Variants in OXR1 observed in about 807,000 individuals in gnomAD.
OXR1 encodes the protein oxidation resistance 1.
Under a neutral mutation model 104.6 loss-of-function variants are expected in OXR1, and 41 were observed. The ratio of observed to expected loss-of-function variants is 0.39; its 90% CI spans 0.31 to 0.51. OXR1 has a LOEUF of 0.51. Ranked by LOEUF, OXR1 falls within the 20% of genes least tolerant of loss-of-function variation. The probability of loss-of-function intolerance (pLI) is 0.77; values close to 1 mark genes in which losing one functional copy is unlikely to be tolerated. For synonymous variants in OXR1, 348 were observed against 348.4 expected, an observed-to-expected ratio of 1.00 and a Z score of 0.01; for missense variants, 955 against 1,031.9, an observed-to-expected ratio of 0.93 and a Z score of 1.02.
intron 2 of OXR1, among the ~76,000 whole-genome samples, chr8:106,361,877 G>A (rs1266936044): frequency 6.6e-6 from 1 of 152,188 alleles, no homozygotes; most frequent in African/African-American, 2.4e-5. Context: ...TGTATGCCAT[G>A]CTTGATTTAG....
chr8:106,558,866 G>T (rs1376872059), intron 3 of OXR1, among the ~76,000 whole-genome samples: 3 of 151,974 alleles, frequency 2.0e-5, no homozygotes, highest in Non-Finnish European at 4.4e-5. Flanking sequence ...TACCCTAAAT[G>T]CCAATAAACC....
chr8:106,506,582 G>A (rs190646158), intron 2 of OXR1, among the ~76,000 whole-genome samples: 7 of 152,214 alleles, frequency 4.6e-5, no homozygotes, highest in Admixed American at 4.6e-4. Flanking sequence ...CAGCCCTCCA[G>A]CCTGGGTGAC....
intron 3 of OXR1, among the ~76,000 whole-genome samples, chr8:106,566,112 A>T (rs1181901034): frequency 2.0e-5 from 3 of 152,220 alleles, no homozygotes; most frequent in African/African-American, 7.2e-5. Flanking sequence ...ACAAAAGCCA[A>T]AACTGACAAA....
intron 3 of OXR1, among the ~76,000 whole-genome samples, chr8:106,678,068 A>C (rs946228101): frequency 6.6e-6 from 1 of 152,142 alleles, no homozygotes. Flanking sequence ...TGAAGGAGAC[A>C]TAAAGATGCT....
At chr8:106,608,891 T>C (rs1249865287) in intron 3 of OXR1, among the ~76,000 whole-genome samples, 1 of 152,204 alleles carries the variant, frequency 6.6e-6, no homozygotes, top group Admixed American at 6.5e-5. Context: ...AGTGACAACA[T>C]TGTGAATTTA....
At chr8:106,651,930 C>A (rs1824609741) in intron 3 of OXR1, among the ~76,000 whole-genome samples, 1 of 152,024 alleles carries the variant, frequency 6.6e-6, no homozygotes, top group Non-Finnish European at 1.5e-5. Flanking sequence ...TCTTTAACTT[C>A]TTTCAATTAT....
At chr8:106,557,546 TCTA>T (rs149595467) in intron 3 of OXR1, among the ~76,000 whole-genome samples, 54,561 of 151,694 alleles carry the variant, frequency 0.36, 10,886 homozygotes, top group South Asian at 0.45. Flanking sequence ...TTTTTAGAAT[TCTA>T]CTTTTTTTTT....
chr8:106,697,480 A>T, intron 7 of OXR1: 1 of 1,603,650 alleles, frequency 6.2e-7, no homozygotes. Context: ...GATGCCCCCC[A>T]TCTGTAGCCC....
chr8:106,706,450 A>T lies in OXR1; in HGVS notation c.929A>T (p.Glu310Val), dbSNP rs770326189. The change falls in exon 9 of 17, where the codon GAA becomes GTA. Residue 310 changes from glutamate (E) to valine (V), a missense_variant. Glu to Val is a moderately radical substitution (Grantham distance 121). This residue lies in a region of OXR1 where 849 missense variants were observed against 852.9 expected (regional missense o/e 1.00). Coordinates refer to ENST00000517566, the MANE Select transcript of OXR1 (RefSeq NM_001198533.2). ...SKKMTGSNTE[E>V]IDSRIRDAGN... ...AAAATGACAGGAAGTAACACTGAGG[A>T]AATAGACTCAAGAATCCGAGATGCA... 4 of 1,598,586 alleles carry T rather than the reference A, an allele frequency of 2.5e-6. No individual in the cohort carries two copies. Among genetic ancestry groups the T allele is most frequent in the Middle Eastern group, 1.7e-4 (1 of 6,012 alleles).
intron 9 of OXR1, 53 bp downstream of exon 9, chr8:106,707,198 G>T (rs759021943): frequency 1.8e-5 from 28 of 1,545,020 alleles, no homozygotes; most frequent in Non-Finnish European, 2.4e-5. Context: ...TGGTGTCTCC[G>T]TCTTTCCTCA....
intron 2 of OXR1, among the ~76,000 whole-genome samples, chr8:106,373,893 A>T (rs1816806395): frequency 6.6e-6 from 1 of 152,182 alleles, no homozygotes. Flanking sequence ...CCCAGCCCTG[A>T]TGTCTTTTTT....
At chr8:106,484,613 C>T (rs1822336534) in intron 2 of OXR1, among the ~76,000 whole-genome samples, 1 of 151,826 alleles carries the variant, frequency 6.6e-6, no homozygotes, top group Non-Finnish European at 1.5e-5. Flanking sequence ...TAAAATAATA[C>T]TGAGATACCA....
chr8:106,520,197 ATTGAAAT>A (rs1425292481), intron 3 of OXR1, among the ~76,000 whole-genome samples: 15 of 152,026 alleles, frequency 9.9e-5, no homozygotes, highest in Non-Finnish European at 2.1e-4. Flanking sequence ...CTTTAAGATG[ATTGAAAT>A]CTTTTTCTTT....
chr8:106,649,157 A>G (rs989311127), intron 3 of OXR1, among the ~76,000 whole-genome samples: 16 of 152,122 alleles, frequency 1.1e-4, no homozygotes, highest in African/African-American at 3.6e-4. Flanking sequence ...GTGAGCCCTG[A>G]TCACACCACT....
intron 3 of OXR1, among the ~76,000 whole-genome samples, chr8:106,554,279 C>T (rs1241395263): frequency 6.6e-6 from 1 of 152,232 alleles, no homozygotes; most frequent in Non-Finnish European, 1.5e-5. Flanking sequence ...CCTGAGAAAA[C>T]ATCAGACAGA....
chr8:106,351,513 A>G (rs1049296293), intron 1 of OXR1, among the ~76,000 whole-genome samples: 2 of 152,208 alleles, frequency 1.3e-5, no homozygotes, highest in Admixed American at 6.5e-5. Context: ...ATAGCACATC[A>G]AAGGCCTGTA....
chr8:106,314,785 G>A (rs956550479), intron 1 of OXR1, among the ~76,000 whole-genome samples: 1 of 152,114 alleles, frequency 6.6e-6, no homozygotes, highest in Non-Finnish European at 1.5e-5. Flanking sequence ...AATAATAATT[G>A]TTTAGCCTTA....
At chr8:106,405,162 A>AGT (rs765094364) in intron 2 of OXR1, among the ~76,000 whole-genome samples, 2 of 48,032 alleles carry the variant, frequency 4.2e-5, no homozygotes, top group Non-Finnish European at 8.3e-5. Context: ...ATATATATAT[A>AGT]TATATATATA....
At chr8:106,393,878 A>G (rs762060388) in intron 2 of OXR1, among the ~76,000 whole-genome samples, 5 of 152,104 alleles carry the variant, frequency 3.3e-5, no homozygotes, top group Non-Finnish European at 5.9e-5. Context: ...TGATATTCCT[A>G]TATATTTATA....
Sources: allele counts gnomAD v4.1 joint callset (sites outside exome capture counted in the v4.1 genomes callset), GRCh38; gene constraint gnomAD v4.1.1; regional missense constraint gnomAD v4.1.1; transcripts MANE v1.5; gene names NCBI Gene and HGNC (gene_info 2026-07-23, HGNC 2026-07-21).